Variants in RAD51B observed in about 807,000 individuals in gnomAD.
The protein encoded by RAD51B is DNA repair protein RAD51 homolog 2.
RAD51B carries 38 observed loss-of-function variants against 42.2 expected under a neutral mutation model. The observed-to-expected ratio is 0.90, with a 90% CI of 0.70 to 1.18. The LOEUF (loss-of-function observed/expected upper bound fraction) is 1.18. Among genes scored for constraint, RAD51B ranks in the 50% most tolerant of loss-of-function variants. RAD51B has a pLI of 0.00. For synonymous variants in RAD51B, 154 were observed against 145.2 expected (o/e 1.06, Z -0.43); for missense variants, 373 against 400.7 (o/e 0.93, Z 0.59).
rs367878090 is a variant in RAD51B at position 68,027,684 on chromosome 14, G to A, written c.756+140480G>A. ...TCTTGTAGTGAATTTTTCAGCTCTA[G>A]AATTTCAGTTTGGTTCTTTCTGAAA... is the stretch of plus-strand genomic sequence containing the variant. On this transcript the variant is annotated intron_variant, in intron 7 of 10. Transcript: ENST00000471583. Among the ~76,000 whole-genome samples the A allele has an allele frequency of 1.2e-4, 19 of 152,124 alleles. 1 individual carries two copies. Among genetic ancestry groups the A allele is most frequent in the African/African-American group, 4.1e-4 (17 of 41,506 alleles).
At chr14:68,307,821 T>C (rs2081897759) in intron 8 of RAD51B, among the ~76,000 whole-genome samples, 2 of 152,228 alleles carry the variant, frequency 1.3e-5, no homozygotes, top group Admixed American at 1.3e-4. Flanking sequence ...TGTAAGCTAG[T>C]ATCAAATCAA....
Position 68,441,461 on chromosome 14 carries a change from G to A in RAD51B, c.958-26711G>A, listed in dbSNP as rs1214437789. 3.8e-5 allele frequency among the ~76,000 whole-genome samples: 5 copies of A among 132,886 alleles called. No individual in the cohort carries two copies. In the South Asian group the frequency reaches 9.9e-4, roughly 26 times the overall value. 87.2% of individuals were successfully genotyped at this position (132,886 alleles called of 152,430 possible). A position where few individuals can be genotyped will look rare whatever the true frequency, so the allele number is the denominator to read the frequency against. ...GGAAGCTGAGGCAGGAGAATGGAGT[G>A]AACCCGGGAGGAGGAGTTTGCAATG... On this transcript the variant is annotated intron_variant, in intron 9 of 10. Transcript: ENST00000471583.
At chr14:67,983,030 C>G (rs1484286787) in intron 7 of RAD51B, among the ~76,000 whole-genome samples, 1 of 152,128 alleles carries the variant, frequency 6.6e-6, no homozygotes. Context: ...TCATTGCACT[C>G]TAGCCTGGGT....
intron 7 of RAD51B, among the ~76,000 whole-genome samples, chr14:68,261,102 G>A (rs1028575623): frequency 8.5e-5 from 13 of 152,168 alleles, no homozygotes; most frequent in East Asian, 1.9e-4. Flanking sequence ...AATTGGTCAC[G>A]AAGACCCTTG....
intron 7 of RAD51B, among the ~76,000 whole-genome samples, chr14:68,145,823 G>T (rs2078236070): frequency 6.6e-6 from 1 of 152,212 alleles, no homozygotes; most frequent in Non-Finnish European, 1.5e-5. Flanking sequence ...AAGACATTTG[G>T]AGAGTACTTG....
chr14:68,673,665 CTGTGCACACACATATGTATA>C lies in RAD51B; in HGVS notation c.*11+22824_*11+22843del, dbSNP rs565843373. 6.8e-3 allele frequency among the ~76,000 whole-genome samples: 1,020 copies of C among 151,010 alleles called. 6 individuals carry two copies. The highest frequency in any genetic ancestry group is 0.021 in the Middle Eastern group (6 of 290). ...GTATACATGCACACACATACACATA[CTGTGCACACACATATGTATA>C]TGTGCACACACATACACATACTGTA... On this transcript the variant is annotated intron_variant, in intron 11 of 11. Coordinates refer to the RAD51B transcript ENST00000488612.
At chr14:68,494,374 C>T (rs1884336309) in intron 10 of RAD51B, among the ~76,000 whole-genome samples, 2 of 152,022 alleles carry the variant, frequency 1.3e-5, no homozygotes, top group African/African-American at 2.4e-5. Flanking sequence ...ATCCTGTGTA[C>T]TGGAGGACAT....
At chr14:67,835,659 G>A (rs528644842) in intron 4 of RAD51B, among the ~76,000 whole-genome samples, 13 of 150,896 alleles carry the variant, frequency 8.6e-5, no homozygotes, top group African/African-American at 3.2e-4. Flanking sequence ...CCAGCACTTT[G>A]AGCAACAAGG....
At chr14:68,385,173 C>T (rs1039478347) in intron 8 of RAD51B, among the ~76,000 whole-genome samples, 7 of 152,096 alleles carry the variant, frequency 4.6e-5, no homozygotes, top group Admixed American at 1.3e-4. Context: ...CTGCTCAGCT[C>T]GACCCTCCTG....
intron 4 of RAD51B, among the ~76,000 whole-genome samples, chr14:67,853,870 C>T (rs964302658): frequency 2.0e-5 from 3 of 152,148 alleles, no homozygotes; most frequent in Admixed American, 2.0e-4. Flanking sequence ...ACAACACCAA[C>T]ATGAAAAGTG....
chr14:68,229,541 GAGAA>G (rs1031313667), intron 7 of RAD51B, among the ~76,000 whole-genome samples: 9 of 152,182 alleles, frequency 5.9e-5, no homozygotes, highest in African/African-American at 2.2e-4. Flanking sequence ...GTTGTAGAAT[GAGAA>G]AGAAATGACT....
chr14:68,647,756 G>A (rs555243257), intron 10 of RAD51B, among the ~76,000 whole-genome samples: 30 of 152,074 alleles, frequency 2.0e-4, no homozygotes, highest in Admixed American at 7.2e-4. Flanking sequence ...TTTGCTCACC[G>A]CAACCTCTGC....
intron 7 of RAD51B, among the ~76,000 whole-genome samples, chr14:68,026,751 G>A (rs1475601709): frequency 6.6e-6 from 1 of 151,950 alleles, no homozygotes; most frequent in African/African-American, 2.4e-5. Context: ...CATGTGAAAT[G>A]AATCTCTTAA....
At chr14:68,352,041 C>T (rs972237967) in intron 8 of RAD51B, among the ~76,000 whole-genome samples, 2 of 152,156 alleles carry the variant, frequency 1.3e-5, no homozygotes, top group African/African-American at 2.4e-5. Flanking sequence ...GAGTTTGATG[C>T]ACCTTTGAGA....
intron 7 of RAD51B, among the ~76,000 whole-genome samples, chr14:68,239,656 T>C (rs1471902443): frequency 6.6e-6 from 1 of 152,162 alleles, no homozygotes; most frequent in Non-Finnish European, 1.5e-5. Flanking sequence ...AGCCCTGTGG[T>C]ACTGCCCCAG....
Position 68,565,940 on chromosome 14 carries a change from T to A in RAD51B, c.1037-28545T>A, listed in dbSNP as rs530924273. Among the ~76,000 whole-genome samples, 145 of 152,334 alleles carry A rather than the reference T, an allele frequency of 9.5e-4. No homozygotes were observed. Among genetic ancestry groups the A allele is most frequent in the Admixed American group, 1.7e-3 (26 of 15,304 alleles). On this transcript the variant is annotated intron_variant, in intron 10 of 10. Transcript: ENST00000487270. The surrounding 1 kb of genome is among the most constrained non-coding windows in gnomAD (Gnocchi z 4.1). ...CAATGTGGCCACAAGCCACTCTTGC[T>A]GAAGGAAGTGTGTCTGCTTTTATAC...
chr14:68,299,465 T>C (rs566817461), intron 8 of RAD51B, among the ~76,000 whole-genome samples: 24 of 152,288 alleles, frequency 1.6e-4, no homozygotes, highest in Admixed American at 7.8e-4. Context: ...TTACACTGTA[T>C]TAGGTATTAT....
At chr14:67,926,322 A>T (rs544398326) in intron 7 of RAD51B, among the ~76,000 whole-genome samples, 56 of 152,198 alleles carry the variant, frequency 3.7e-4, no homozygotes, top group African/African-American at 1.3e-3. Context: ...ATCTCTCTTA[A>T]GTTCAAAGTT....
At chr14:68,623,559 G>C (rs1015613289) in intron 10 of RAD51B, among the ~76,000 whole-genome samples, 1 of 152,244 alleles carries the variant, frequency 6.6e-6, no homozygotes, top group Non-Finnish European at 1.5e-5. Context: ...TGGCATGGCT[G>C]TATCCACAAA....
Sources: allele counts gnomAD v4.1 joint callset (sites outside exome capture counted in the v4.1 genomes callset), GRCh38; gene constraint gnomAD v4.1.1; non-coding constraint Gnocchi (gnomAD v3.1); transcripts MANE v1.5; gene names NCBI Gene and HGNC (gene_info 2026-07-23, HGNC 2026-07-21).